Variants in ATRNL1 observed in about 807,000 individuals in gnomAD.
The protein encoded by ATRNL1 is attractin-like protein 1.
A neutral mutation model predicts 182.7 loss-of-function variants in ATRNL1; 95 were observed. That is an observed-to-expected ratio of 0.52 (90% CI 0.44 to 0.62). The LOEUF (loss-of-function observed/expected upper bound fraction) is 0.62. ATRNL1 is among the 20% of genes least tolerant of loss of function. The pLI is 0.00. For synonymous variants in ATRNL1, 576 were observed against 568.3 expected, an observed-to-expected ratio of 1.01 and a Z score of -0.19; for missense variants, 1,471 against 1,679.5, an observed-to-expected ratio of 0.88 and a Z score of 2.17.
chr10:115,640,483 A>C (rs59064956), intron 26 of ATRNL1, among the ~76,000 whole-genome samples: 26,367 of 152,126 alleles, frequency 0.17, 2,889 homozygotes, highest in East Asian at 0.26. Context: ...CTGGCATGAG[A>C]TGGTACCTCA....
intron 27 of ATRNL1, among the ~76,000 whole-genome samples, chr10:115,787,580 A>G (rs1555080666): frequency 6.6e-6 from 1 of 152,102 alleles, no homozygotes; most frequent in East Asian, 1.9e-4. Context: ...TAGAAGCTTC[A>G]TGTCCCACTA....
At chr10:115,710,714 A>G (rs916912415) in intron 26 of ATRNL1, among the ~76,000 whole-genome samples, 1 of 152,146 alleles carries the variant, frequency 6.6e-6, no homozygotes, top group Non-Finnish European at 1.5e-5. Context: ...AAGCATTTAC[A>G]TACCCCCAGG....
intron 24 of ATRNL1, among the ~76,000 whole-genome samples, chr10:115,497,114 A>G (rs1849587136): frequency 6.6e-6 from 1 of 152,194 alleles, no homozygotes; most frequent in South Asian, 2.1e-4. Context: ...GAACCAGTCT[A>G]AAAGCTCTAA....
chr10:115,095,012 AG>A (rs371225373), intron 1 of ATRNL1, among the ~76,000 whole-genome samples: 61 of 152,318 alleles, frequency 4.0e-4, no homozygotes, highest in African/African-American at 1.4e-3. Context: ...GCTAAGGTGA[AG>A]GTACTTTCTT....
At chr10:115,819,852 A>T (rs747623500) in intron 27 of ATRNL1, 1 of 150,316 alleles carries the variant, frequency 6.7e-6, no homozygotes, top group Admixed American at 6.7e-5. Flanking sequence ...TTTTCTCCTC[A>T]CCTCCTTCAT....
intron 8 of ATRNL1, among the ~76,000 whole-genome samples, chr10:115,199,240 TATTTC>T (rs1402176478): frequency 6.6e-6 from 1 of 152,106 alleles, no homozygotes; most frequent in Non-Finnish European, 1.5e-5. Context: ...TTTATTTATT[TATTTC>T]AAGTATTTTC....
At chr10:115,821,709 G>A (rs781904077) in intron 27 of ATRNL1, among the ~76,000 whole-genome samples, 36 of 152,134 alleles carry the variant, frequency 2.4e-4, no homozygotes, top group Non-Finnish European at 4.3e-4. Context: ...GATGGTAAAG[G>A]GATCAATGCA....
intron 5 of ATRNL1, among the ~76,000 whole-genome samples, chr10:115,154,460 T>C (rs536149232): frequency 6.6e-6 from 1 of 152,230 alleles, no homozygotes; most frequent in African/African-American, 2.4e-5. Flanking sequence ...TTTACCATTA[T>C]GTAATGGTAA....
intron 15 of ATRNL1, among the ~76,000 whole-genome samples, chr10:115,292,277 T>G (rs1852953537): frequency 6.6e-6 from 1 of 152,026 alleles, no homozygotes; most frequent in South Asian, 2.1e-4. Context: ...GTTTATCAGT[T>G]TTCTTTATTT....
At chr10:115,443,478 C>CTT (rs139294656) in intron 21 of ATRNL1, among the ~76,000 whole-genome samples, 14,965 of 151,766 alleles carry the variant, frequency 0.099, 2,441 homozygotes, top group African/African-American at 0.34. Flanking sequence ...TTATTCATAT[C>CTT]TGAATCTATT....
At chr10:115,160,532 T>C (rs1448121030) in intron 6 of ATRNL1, among the ~76,000 whole-genome samples, 1 of 151,876 alleles carries the variant, frequency 6.6e-6, no homozygotes, top group Non-Finnish European at 1.5e-5. Context: ...ATGCCACTTT[T>C]TTTTTTTAAT....
intron 13 of ATRNL1, among the ~76,000 whole-genome samples, chr10:115,273,862 T>C (rs1313441635): frequency 1.3e-5 from 2 of 152,182 alleles, no homozygotes; most frequent in Non-Finnish European, 2.9e-5. Flanking sequence ...TCCTTGAGCC[T>C]GATCATGTAT....
At position 115,947,841 on chromosome 10, in the gene ATRNL1, CTTTGAAGCCTCAGCCTTCCATCTGT is replaced by C. The variant is rs1953909697; in HGVS notation, c.*3063_*3087del. 6.6e-6 allele frequency: 1 copy of C among 152,150 alleles called. No homozygotes were observed. Among genetic ancestry groups the C allele is most frequent in the African/African-American group, 2.4e-5 (1 of 41,410 alleles). 9.4% of individuals were successfully genotyped at this position (152,150 alleles called of 1,614,324 possible). On this transcript the variant is annotated 3_prime_UTR_variant, in exon 29 of 29. Transcript: ENST00000355044. Reference sequence around the variant, plus strand: ...GTGTGTGGTGCTGGGTAAGTTTCACCTTTGAAGCCTCAGCCTTCCATCTGTAAAGGGCGGTAATGGTGCCCACCTT... The same window carrying C: ...GTGTGTGGTGCTGGGTAAGTTTCACCAAAGGGCGGTAATGGTGCCCACCTT...
chr10:115,671,065 C>A (rs1318667155), intron 26 of ATRNL1, among the ~76,000 whole-genome samples: 2 of 152,040 alleles, frequency 1.3e-5, no homozygotes, highest in East Asian at 3.9e-4. Context: ...GATGCACATG[C>A]TTAGGGAGAG....
rs188254831 is a variant in ATRNL1 at position 115,797,471 on chromosome 10, G to T, written c.3904-50406G>T. 9.9e-3 allele frequency among the ~76,000 whole-genome samples: 1,501 copies of T among 152,180 alleles called. 30 individuals carry two copies. Among genetic ancestry groups the T allele is most frequent in the African/African-American group, 0.034 (1,426 of 41,516 alleles). On this transcript the variant is annotated intron_variant, in intron 27 of 28. Transcript: ENST00000355044. ...GGCAGAAGGAAGGGCTGGGGTGCAGGCATCCACAGCCCACCAACTGCAAGG... is the reference window on the plus strand; with the variant it reads ...GGCAGAAGGAAGGGCTGGGGTGCAGTCATCCACAGCCCACCAACTGCAAGG...
chr10:115,179,046 G>A (rs1033069980), intron 8 of ATRNL1, among the ~76,000 whole-genome samples: 1 of 151,952 alleles, frequency 6.6e-6, no homozygotes, highest in Non-Finnish European at 1.5e-5. Context: ...AATATTTGTG[G>A]ATGAATAAAT....
In ATRNL1 at chr10:115,171,118, A is replaced by G; in HGVS notation, c.1174A>G (p.Ser392Gly). Reference protein sequence around the residue: ...TDELWVFNIHSQSWSTKTPTV... With the variant: ...TDELWVFNIHGQSWSTKTPTV... ...TGAATTATGGGTTTTTAACATACATAGTCAGTCATGGAGTACAAAAACTCC... is the reference window on the plus strand; with the variant it reads ...TGAATTATGGGTTTTTAACATACATGGTCAGTCATGGAGTACAAAAACTCC... Residue 392 changes from serine (S) to glycine (G), a missense_variant, in exon 8 of 29, where the codon AGT becomes GGT. Physicochemically the swap from Ser to Gly is moderately conservative, Grantham distance 56 (BLOSUM62 0). Around this residue, in one of 3 missense-constraint regions of ATRNL1, gnomAD observed 1,031 missense variants for 1,156.0 expected, o/e 0.89. Transcript: ENST00000355044. The G allele has an allele frequency of 6.2e-7, 1 of 1,606,014 alleles. No homozygotes were observed. The highest frequency in any genetic ancestry group is 8.5e-7 in the Non-Finnish European group (1 of 1,175,054).
chr10:115,664,745 A>AT lies in ATRNL1; in HGVS notation c.3796-62495dup, dbSNP rs537446894. Among the ~76,000 whole-genome samples, 39 of 151,956 alleles carry AT rather than the reference A, an allele frequency of 2.6e-4. 1 individual carries two copies. In the South Asian group the frequency reaches 3.7e-3, roughly 15 times the overall value. On this transcript the variant is annotated intron_variant, in intron 26 of 28. Coordinates refer to ENST00000355044, the MANE Select transcript of ATRNL1 (RefSeq NM_207303.4). ...TTTTTAGGTATAGAAAAAAATCAAT[A>AT]TTTTTTTTCTCATTTTCACTCCTAG...
At chr10:115,877,665 T>G (rs1951730472) in intron 28 of ATRNL1, among the ~76,000 whole-genome samples, 1 of 152,228 alleles carries the variant, frequency 6.6e-6, no homozygotes, top group African/African-American at 2.4e-5. Flanking sequence ...AAGCATTGTT[T>G]GGCAATATTT....
Sources: gnomAD v4.1 joint callset for allele counts (sites outside exome capture counted in the v4.1 genomes callset) on GRCh38, gnomAD v4.1.1 for gene constraint, gnomAD v4.1.1 regional missense constraint, MANE v1.5 for transcripts, NCBI Gene and HGNC (gene_info 2026-07-23, HGNC 2026-07-21) for gene names.